CPM: variants seen among roughly 807,000 people sequenced by gnomAD.
CPM encodes carboxypeptidase M.
In CPM, 35 loss-of-function variants were observed where a neutral mutation model predicts 46.4. The observed-to-expected ratio is 0.75, with a 90% confidence interval of 0.58 to 1.00. CPM has a LOEUF of 1.00. Among genes scored for constraint, CPM ranks in the 50% least tolerant of loss-of-function variants. The probability of loss-of-function intolerance (pLI) is 0.00; values close to 1 mark genes in which losing one functional copy is unlikely to be tolerated. For missense variants in CPM, 422 were observed against 530.4 expected (o/e 0.80, Z 2.01); for synonymous variants, 195 against 195.3 (o/e 1.00, Z 0.01).
intron 8 of CPM, among the ~76,000 whole-genome samples, chr12:68,857,567 A>G (rs189768364): frequency 1.3e-5 from 2 of 152,250 alleles, no homozygotes; most frequent in East Asian, 3.9e-4. Flanking sequence ...GGACAAGACA[A>G]ATGCTAAACT....
rs117095495 is a variant in CPM, at chr12:68,892,879, G to A, written c.161-6990C>T. Among the ~76,000 whole-genome samples, 57 of 151,998 alleles carry A rather than the reference G, an allele frequency of 3.8e-4. No individual in the cohort carries two copies. In the South Asian group the frequency reaches 6.0e-3, roughly 16 times the overall value. On this transcript the variant is annotated intron_variant, in intron 2 of 8. Transcript: ENST00000551568. ...AAAAACAAACCGAAAAGAAAGTAGG[G>A]TAAGCACGTTCTCACTCATAAGTGG...
intron 1 of CPM, among the ~76,000 whole-genome samples, chr12:68,955,825 T>C (rs956323342): frequency 6.6e-6 from 1 of 152,090 alleles, no homozygotes; most frequent in African/African-American, 2.4e-5. Context: ...ATACAGGCTT[T>C]AGAGGGGAGA....
chr12:68,910,492 G>A (rs946598707), intron 2 of CPM, among the ~76,000 whole-genome samples: 9 of 152,140 alleles, frequency 5.9e-5, no homozygotes, highest in African/African-American at 1.9e-4. Flanking sequence ...AATAAAGGTT[G>A]TAAAATACTC....
intron 2 of CPM, among the ~76,000 whole-genome samples, chr12:68,890,580 C>T (rs1202611146): frequency 6.6e-6 from 1 of 151,206 alleles, no homozygotes; most frequent in African/African-American, 2.4e-5. Context: ...TCTAAGGCTG[C>T]CTCAATGTCC....
chr12:68,941,122 A>T (rs983522507), intron 1 of CPM, among the ~76,000 whole-genome samples: 8 of 150,544 alleles, frequency 5.3e-5, no homozygotes, highest in Non-Finnish European at 1.0e-4. Context: ...CCATTGGTCA[A>T]TTTGTGTGTT....
intron 1 of CPM, among the ~76,000 whole-genome samples, chr12:68,962,033 C>T (rs991794182): frequency 1.3e-4 from 20 of 151,748 alleles, no homozygotes; most frequent in Non-Finnish European, 2.2e-4. Flanking sequence ...ACCCTGTCTC[C>T]ACTGAAAATA....
intron 1 of CPM, among the ~76,000 whole-genome samples, chr12:68,945,344 T>C (rs1211693527): frequency 1.3e-5 from 2 of 152,228 alleles, no homozygotes; most frequent in African/African-American, 4.8e-5. Flanking sequence ...CCTGTGAGAC[T>C]AGAAGCAAGA....
intron 7 of CPM, among the ~76,000 whole-genome samples, chr12:68,860,154 T>C (rs1322368001): frequency 1.3e-5 from 2 of 152,212 alleles, no homozygotes; most frequent in Non-Finnish European, 2.9e-5. Flanking sequence ...CTGACCTAGG[T>C]TGCCTTTTAT....
chr12:68,928,490 GTTAA>G (rs1888364459), intron 2 of CPM, among the ~76,000 whole-genome samples: 2 of 152,324 alleles, frequency 1.3e-5, no homozygotes, highest in East Asian at 1.9e-4. Context: ...TCTTCAGCAA[GTTAA>G]TTAACCTCTC....
chr12:68,860,332 T>C (rs567995044), intron 7 of CPM, among the ~76,000 whole-genome samples: 3 of 152,242 alleles, frequency 2.0e-5, no homozygotes, highest in Non-Finnish European at 4.4e-5. Flanking sequence ...TTTATATTTA[T>C]TCCTACTGCT....
intron 1 of CPM, among the ~76,000 whole-genome samples, chr12:68,940,258 G>A (rs1028002288): frequency 3.3e-5 from 5 of 151,770 alleles, no homozygotes; most frequent in Admixed American, 6.6e-5. Flanking sequence ...ACATCTTGGC[G>A]TTAGCGTGTC....
intron 5 of CPM, chr12:68,845,736 G>C (rs1884241185): frequency 1.2e-5 from 2 of 162,966 alleles, no homozygotes; most frequent in Non-Finnish European, 2.7e-5. Context: ...TATAAAAATA[G>C]CATCTTTCCT....
At position 68,853,289 on chromosome 12, in the gene CPM, T is replaced by TTAA. The variant is rs1328946409; in HGVS notation, c.*3145_*3147dup. 1 of 152,208 alleles carries TTAA rather than the reference T, an allele frequency of 6.6e-6. No homozygotes were observed. Among genetic ancestry groups the TTAA allele is most frequent in the Non-Finnish European group, 1.5e-5 (1 of 68,040 alleles). The allele number at this position is 152,208 out of a possible 1,614,324, so 9.4% of individuals were successfully genotyped here. ...AAATCAAGTTTCATCTTATATACTT[T>TTAA]TAATTTGTAATATACCAAAGTCATT... On this transcript the variant is annotated 3_prime_UTR_variant, in exon 9 of 9. Transcript: ENST00000551568.
intron 7 of CPM, among the ~76,000 whole-genome samples, chr12:68,863,846 G>A (rs1282834438): frequency 6.6e-6 from 1 of 152,168 alleles, no homozygotes; most frequent in Non-Finnish European, 1.5e-5. Flanking sequence ...ATGCAATGCA[G>A]TTTGACGAAT....
At chr12:68,847,114 AATATATATATTATAT>A (rs1371104616), downstream of CPM, 3 of 144,490 alleles carry the variant, frequency 2.1e-5, no homozygotes, top group African/African-American at 7.8e-5. Context: ...ATGCCTGGCT[AATATATATATTATAT>A]ATAATATACA....
intron 1 of CPM, among the ~76,000 whole-genome samples, chr12:68,951,655 G>T (rs1047018427): frequency 6.6e-6 from 1 of 152,148 alleles, no homozygotes; most frequent in Admixed American, 6.5e-5. Context: ...AGTGCTGGCC[G>T]TGCCAGCCCC....
intron 1 of CPM, chr12:68,963,025 A>G (rs1889147865): frequency 6.5e-6 from 1 of 152,754 alleles, no homozygotes; most frequent in African/African-American, 2.4e-5. Flanking sequence ...CCTTAGGCAC[A>G]TAGGCAGGGC....
downstream of CPM, chr12:68,850,696 A>G (rs1247903913): frequency 6.6e-6 from 1 of 152,198 alleles, no homozygotes; most frequent in Non-Finnish European, 1.5e-5. Flanking sequence ...AGCCTTCTCT[A>G]TATATCAGTA....
At chr12:68,912,696 C>G (rs1185946979) in intron 2 of CPM, among the ~76,000 whole-genome samples, 1 of 152,180 alleles carries the variant, frequency 6.6e-6, no homozygotes, top group African/African-American at 2.4e-5. Flanking sequence ...TTAACTTACT[C>G]TATTTCCCTA....
Sources: allele counts gnomAD v4.1 joint callset (sites outside exome capture counted in the v4.1 genomes callset), GRCh38; gene constraint gnomAD v4.1.1; transcripts MANE v1.5; gene names NCBI Gene and HGNC (gene_info 2026-07-23, HGNC 2026-07-21).